LSM12: variants seen among roughly 807,000 people sequenced by gnomAD.
LSM12 encodes the protein LSM12 homolog.
For synonymous variants in LSM12, 74 were observed against 87.3 expected (o/e 0.85, Z 0.85); for missense variants, 108 against 238.9 (o/e 0.45, Z 3.61).
At chr17:44,063,281 T>C (rs139668172) in intron 2 of LSM12, among the ~76,000 whole-genome samples, 1 of 152,124 alleles carries the variant, frequency 6.6e-6, no homozygotes, top group Non-Finnish European at 1.5e-5. Context: ...AACTTTTATG[T>C]GCAAGATTAA....
intron 3 of LSM12, among the ~76,000 whole-genome samples, chr17:44,037,789 C>A (rs2049434282): frequency 6.6e-6 from 1 of 152,174 alleles, no homozygotes; most frequent in Non-Finnish European, 1.5e-5. Context: ...CATCAGAGAT[C>A]TGGAGAGCCA....
At chr17:44,065,697 T>C (rs1289356196) in intron 1 of LSM12, among the ~76,000 whole-genome samples, 2 of 152,162 alleles carry the variant, frequency 1.3e-5, no homozygotes, top group African/African-American at 4.8e-5. Flanking sequence ...GGACTCCATG[T>C]GCTGGACTGA....
At chr17:44,043,210 C>T (rs1345709546) in intron 2 of LSM12, among the ~76,000 whole-genome samples, 2 of 152,222 alleles carry the variant, frequency 1.3e-5, no homozygotes, top group Non-Finnish European at 2.9e-5. Context: ...GCTGTCATTT[C>T]AGCCTCCCCG....
chr17:44,063,978 G>C (rs753146103), intron 1 of LSM12, 44 bp from the exon 2 acceptor site: 2 of 1,600,406 alleles, frequency 1.2e-6, no homozygotes, highest in South Asian at 2.2e-5. Context: ...GACAAGCAGA[G>C]GCACTGACAC....
intron 2 of LSM12, among the ~76,000 whole-genome samples, chr17:44,062,681 G>C (rs1364728283): frequency 6.6e-6 from 1 of 152,106 alleles, no homozygotes; most frequent in Admixed American, 6.6e-5. Context: ...GAGGTCAGAA[G>C]TTCAAGATCA....
chr17:44,041,290 A>AAC lies in LSM12; in HGVS notation c.259-1036_259-1035dup, dbSNP rs72358942. ...TGTCTCTTTAAAAAAAAAAAAAACA[A>AAC]ACACACACACACACACACACACACA... On this transcript the variant is annotated intron_variant, in intron 2 of 4. Transcript: ENST00000293406. Among the ~76,000 whole-genome samples the AAC allele has an allele frequency of 7.4e-3, 813 of 110,418 alleles. 2 individuals carry two copies. Among genetic ancestry groups the AAC allele is most frequent in the African/African-American group, 0.017 (526 of 30,370 alleles). The allele number at this position is 110,418 out of a possible 152,430, so 72.4% of individuals were successfully genotyped here. A position where few individuals can be genotyped will look rare whatever the true frequency, so the allele number is the denominator to read the frequency against.
intron 2 of LSM12, among the ~76,000 whole-genome samples, chr17:44,057,012 C>T (rs965921332): frequency 4.0e-5 from 6 of 150,814 alleles, no homozygotes; most frequent in South Asian, 4.2e-4. Context: ...AAAAATAAGA[C>T]GGACGTGGTG....
At chr17:44,062,322 C>T (rs1377135253) in intron 2 of LSM12, among the ~76,000 whole-genome samples, 1 of 151,718 alleles carries the variant, frequency 6.6e-6, no homozygotes, top group Admixed American at 6.6e-5. Flanking sequence ...TCAAAAATGT[C>T]CCAGGTTGGA....
At chr17:44,046,740 C>A (rs1372914253) in intron 2 of LSM12, among the ~76,000 whole-genome samples, 2 of 138,034 alleles carry the variant, frequency 1.4e-5, no homozygotes, top group Non-Finnish European at 3.1e-5. Flanking sequence ...AACTGTCAAA[C>A]TGTTTTCTTT....
In LSM12 at chr17:44,066,616, G is replaced by C. The variant is rs975353470; in HGVS notation, c.-29C>G. The C allele has an allele frequency of 1.5e-6, 2 of 1,323,214 alleles. No homozygotes were observed. Among genetic ancestry groups the C allele is most frequent in the Non-Finnish European group, 1.9e-6 (2 of 1,033,100 alleles). 82.0% of individuals were successfully genotyped at this position (1,323,214 alleles called of 1,614,324 possible). A position where few individuals can be genotyped will look rare whatever the true frequency, so the allele number is the denominator to read the frequency against. Reference sequence around the variant, plus strand: ...GGGAGTGCAGCCGCGGCCGGCGGCGGCGGCGGCAGCAGCGGGCGAAAGCCG... The same window carrying C: ...GGGAGTGCAGCCGCGGCCGGCGGCGCCGGCGGCAGCAGCGGGCGAAAGCCG... On this transcript the variant is annotated 5_prime_UTR_variant, in exon 1 of 5. Transcript: ENST00000293406.
chr17:44,039,603 G>A (rs1394690599), intron 3 of LSM12, among the ~76,000 whole-genome samples: 5 of 145,456 alleles, frequency 3.4e-5, no homozygotes, highest in East Asian at 4.2e-4. Flanking sequence ...GGATGGTCTC[G>A]ATCTCCTGAC....
At chr17:44,043,495 C>G (rs2049521552) in intron 2 of LSM12, among the ~76,000 whole-genome samples, 1 of 150,638 alleles carries the variant, frequency 6.6e-6, no homozygotes, top group African/African-American at 2.4e-5. Context: ...TAAGCAGCAA[C>G]AAGCAACGCT....
intron 1 of LSM12, among the ~76,000 whole-genome samples, chr17:44,065,415 T>C (rs1273439327): frequency 2.2e-5 from 3 of 137,630 alleles, no homozygotes; most frequent in Non-Finnish European, 3.0e-5. Context: ...CACTCCATCC[T>C]AGCGACAGAG....
chr17:44,066,793 G>A, upstream of LSM12: 1 of 539,146 alleles, frequency 1.9e-6, no homozygotes. Flanking sequence ...TTGTATAGCT[G>A]CGTCCGCTCG....
At chr17:44,062,020 G>A (rs2049802046) in intron 2 of LSM12, among the ~76,000 whole-genome samples, 1 of 151,958 alleles carries the variant, frequency 6.6e-6, no homozygotes, top group African/African-American at 2.4e-5. Context: ...AGGAGATCGA[G>A]ACCGTCCTGG....
chr17:44,056,041 G>C (rs1219160921), intron 2 of LSM12, among the ~76,000 whole-genome samples: 4 of 151,740 alleles, frequency 2.6e-5, no homozygotes, highest in Non-Finnish European at 5.9e-5. Context: ...GCCGAGGTGG[G>C]TGGATCACCT....
chr17:44,065,293 T>G (rs1287255615), intron 1 of LSM12, among the ~76,000 whole-genome samples: 1 of 151,154 alleles, frequency 6.6e-6, no homozygotes, highest in Non-Finnish European at 1.5e-5. Context: ...ATACAAAAAT[T>G]AGCTGGGCGT....
chr17:44,051,558 G>A (rs1342328500), intron 2 of LSM12, among the ~76,000 whole-genome samples: 2 of 151,910 alleles, frequency 1.3e-5, no homozygotes, highest in Non-Finnish European at 2.9e-5. Context: ...ATCTCGGGGA[G>A]GGGGAAATAT....
rs1182462624 is a variant in LSM12, at chr17:44,036,032, T to C, written c.*176A>G. On this transcript the variant is annotated 3_prime_UTR_variant, in exon 5 of 5. Transcript: ENST00000293406. The stretch of plus-strand genomic sequence containing the variant: ...ATGATTCAACTTTTAAATTATTCTC[T>C]TGTTCTTTTTTGTTGGGTGTTTTGT... 2 of 529,410 alleles carry C rather than the reference T, an allele frequency of 3.8e-6. No individual in the cohort carries two copies. The highest frequency in any genetic ancestry group is 3.3e-6 in the Non-Finnish European group (1 of 302,428). 32.8% of individuals were successfully genotyped at this position (529,410 alleles called of 1,614,324 possible).
Sources: allele counts gnomAD v4.1 joint callset (sites outside exome capture counted in the v4.1 genomes callset), GRCh38; gene constraint gnomAD v4.1.1; transcripts MANE v1.5; gene names NCBI Gene and HGNC (gene_info 2026-07-23, HGNC 2026-07-21).